The following SOX5 variants were observed in gnomAD, a reference collection of about 807,000 sequenced individuals.
SOX5 encodes SRY-box transcription factor 5.
In SOX5, 9 loss-of-function variants were observed where a neutral mutation model predicts 92.0. That is an observed-to-expected ratio of 0.10 (90% CI 0.06 to 0.17). SOX5 has a LOEUF of 0.17. SOX5 is among the 10% of genes least tolerant of loss of function. The pLI, the probability that SOX5 is intolerant of heterozygous loss-of-function variation, is 1.00. For synonymous variants in SOX5, 344 were observed against 336.3 expected, an observed-to-expected ratio of 1.02 and a Z score of -0.25; for missense variants, 642 against 944.5, an observed-to-expected ratio of 0.68 and a Z score of 4.20.
At chr12:23,577,176 C>CATAT (rs1254455034) in intron 9 of SOX5, among the ~76,000 whole-genome samples, 1,168 of 76,704 alleles carry the variant, frequency 0.015, 61 homozygotes, top group East Asian at 0.043. Context: ...CACACACACA[C>CATAT]ATATATATAT....
chr12:24,388,028 T>A (rs1438118385), intron 1 of SOX5, among the ~76,000 whole-genome samples: 1 of 152,154 alleles, frequency 6.6e-6, no homozygotes. Flanking sequence ...TTGGTGTCAA[T>A]ATGCCAGTGG....
intron 6 of SOX5, among the ~76,000 whole-genome samples, chr12:23,711,817 T>C (rs912762420): frequency 2.6e-5 from 4 of 152,192 alleles, no homozygotes; most frequent in Non-Finnish European, 5.9e-5. Context: ...AAACAAATCA[T>C]TTCATTGTAA....
intron 9 of SOX5, among the ~76,000 whole-genome samples, chr12:23,594,401 C>T (rs1952043917): frequency 6.6e-6 from 1 of 152,140 alleles, no homozygotes; most frequent in African/African-American, 2.4e-5. Flanking sequence ...CAACACATCA[C>T]AGGCAATTAA....
intron 2 of SOX5, among the ~76,000 whole-genome samples, chr12:24,279,262 G>C (rs1944878808): frequency 6.6e-6 from 1 of 151,988 alleles, no homozygotes; most frequent in Admixed American, 6.6e-5. Flanking sequence ...ATTATAATTA[G>C]GTTTTTTTAG....
intron 7 of SOX5, among the ~76,000 whole-genome samples, chr12:23,654,603 TA>T (rs1415450708): frequency 6.6e-6 from 1 of 152,138 alleles, no homozygotes; most frequent in African/African-American, 2.4e-5. Context: ...TTCCTCATTA[TA>T]AGTAGTTACA....
At chr12:23,635,820 G>T (rs1018974213) in intron 8 of SOX5, among the ~76,000 whole-genome samples, 1 of 152,178 alleles carries the variant, frequency 6.6e-6, no homozygotes, top group Admixed American at 6.5e-5. Flanking sequence ...CGACCCAAAT[G>T]AGTGACAATT....
intron 2 of SOX5, among the ~76,000 whole-genome samples, chr12:23,883,722 T>C (rs1159300582): frequency 6.9e-6 from 1 of 143,998 alleles, no homozygotes; most frequent in African/African-American, 3.0e-5. Context: ...ATATATCTCA[T>C]AATCTTAACA....
At chr12:23,714,725 C>T (rs984148314) in intron 6 of SOX5, among the ~76,000 whole-genome samples, 1 of 152,022 alleles carries the variant, frequency 6.6e-6, no homozygotes, top group Non-Finnish European at 1.5e-5. Flanking sequence ...ATTTAATATA[C>T]ATAAAAAGCC....
intron 2 of SOX5, among the ~76,000 whole-genome samples, chr12:24,283,082 C>A (rs989846170): frequency 6.6e-6 from 1 of 152,180 alleles, no homozygotes; most frequent in Non-Finnish European, 1.5e-5. Context: ...GCACTGAGAA[C>A]GTGCCGTAGT....
chr12:24,414,667 C>T (rs1382827517), intron 1 of SOX5, among the ~76,000 whole-genome samples: 1 of 152,228 alleles, frequency 6.6e-6, no homozygotes, highest in Non-Finnish European at 1.5e-5. Context: ...GTGCAAAACA[C>T]TCCAATAGGG....
chr12:24,067,885 C>T (rs998710917), intron 4 of SOX5, among the ~76,000 whole-genome samples: 5 of 152,244 alleles, frequency 3.3e-5, no homozygotes, highest in Non-Finnish European at 7.3e-5. Context: ...CGGCTCACGC[C>T]TGTAATCCCA....
intron 6 of SOX5, among the ~76,000 whole-genome samples, chr12:23,716,278 T>G (rs1459176613): frequency 6.6e-6 from 1 of 152,188 alleles, no homozygotes; most frequent in African/African-American, 2.4e-5. Context: ...CATTCATTAT[T>G]AACAGAGGAA....
intron 1 of SOX5, among the ~76,000 whole-genome samples, chr12:24,484,363 G>A (rs1279623865): frequency 7.2e-5 from 11 of 152,184 alleles, no homozygotes; most frequent in Admixed American, 7.2e-4. Context: ...TTAAAAATGA[G>A]TCACAGAAAT....
chr12:24,037,878 T>C (rs1412634355), intron 4 of SOX5, among the ~76,000 whole-genome samples: 5 of 152,114 alleles, frequency 3.3e-5, no homozygotes, highest in Admixed American at 2.0e-4. Flanking sequence ...ATGGTACTAT[T>C]ACCGGGCCAG....
At chr12:23,963,530 A>C (rs1369328065) in intron 4 of SOX5, among the ~76,000 whole-genome samples, 1 of 152,188 alleles carries the variant, frequency 6.6e-6, no homozygotes, top group African/African-American at 2.4e-5. Flanking sequence ...AGCAAAATTC[A>C]GTATCAGGGA....
intron 4 of SOX5, among the ~76,000 whole-genome samples, chr12:24,069,938 A>C (rs1407160688): frequency 6.6e-6 from 1 of 152,190 alleles, no homozygotes; most frequent in Non-Finnish European, 1.5e-5. Flanking sequence ...ATAGCCATTT[A>C]CTACTGCACC....
chr12:24,050,657 A>G (rs7961391), intron 4 of SOX5, among the ~76,000 whole-genome samples: 115,596 of 152,034 alleles, frequency 0.76, 45,486 homozygotes, highest in Non-Finnish European at 0.86. Flanking sequence ...AGAGAGGTAC[A>G]GTTCTTTAAA....
At chr12:23,945,166 G>A (rs1307849047) in intron 1 of SOX5, among the ~76,000 whole-genome samples, 2 of 152,146 alleles carry the variant, frequency 1.3e-5, no homozygotes, top group African/African-American at 4.8e-5. Flanking sequence ...TGCATTAGGA[G>A]TATAATCCAT....
intron 4 of SOX5, among the ~76,000 whole-genome samples, chr12:24,129,493 T>C (rs1438031895): frequency 1.3e-5 from 2 of 152,182 alleles, no homozygotes; most frequent in African/African-American, 4.8e-5. Context: ...GTGCCTGAAC[T>C]CAGTGGCCTC....
Sources: gnomAD v4.1 joint callset for allele counts (sites outside exome capture counted in the v4.1 genomes callset) on GRCh38, gnomAD v4.1.1 for gene constraint, MANE v1.5 for transcripts, NCBI Gene and HGNC (gene_info 2026-07-23, HGNC 2026-07-21) for gene names.